Variants in ZFYVE1 observed in about 807,000 individuals in gnomAD.
ZFYVE1 encodes zinc finger FYVE domain-containing protein 1.
A neutral mutation model predicts 74.4 loss-of-function variants in ZFYVE1; 30 were observed. The ratio of observed to expected loss-of-function variants is 0.40; its 90% CI spans 0.30 to 0.55. The LOEUF (loss-of-function observed/expected upper bound fraction) is 0.55, where lower values mean the gene tolerates loss of function less well. Ranked by LOEUF, ZFYVE1 falls within the 20% of genes least tolerant of loss-of-function variation. ZFYVE1 has a pLI of 0.42. For synonymous variants in ZFYVE1, 335 were observed against 385.1 expected (o/e 0.87, Z 1.52); for missense variants, 703 against 1,011.6 (o/e 0.69, Z 4.14).
At chr14:73,014,097 C>T (rs1171944826) in intron 2 of ZFYVE1, among the ~76,000 whole-genome samples, 4 of 151,956 alleles carry the variant, frequency 2.6e-5, no homozygotes. Context: ...ATTGACAGGC[C>T]AGAAGAAAAA....
At chr14:73,015,664 G>GTT (rs1457439032) in intron 2 of ZFYVE1, among the ~76,000 whole-genome samples, 2 of 152,066 alleles carry the variant, frequency 1.3e-5, no homozygotes, top group Non-Finnish European at 2.9e-5. Context: ...GATTACAGGC[G>GTT]TGAGCCACCA....
chr14:72,986,561 T>C (rs1893486353), intron 4 of ZFYVE1, among the ~76,000 whole-genome samples: 2 of 149,548 alleles, frequency 1.3e-5, no homozygotes, highest in South Asian at 4.2e-4. Context: ...AATCAGCTTT[T>C]CCTTTTTTTT....
At chr14:72,982,570 A>G (rs1252880880) in intron 4 of ZFYVE1, among the ~76,000 whole-genome samples, 2 of 152,306 alleles carry the variant, frequency 1.3e-5, no homozygotes, top group Non-Finnish European at 2.9e-5. Flanking sequence ...TCCTAATCCT[A>G]TCTTCACTTA....
intron 1 of ZFYVE1, 74 bp downstream of exon 1, chr14:73,026,852 A>G (rs1234411056): frequency 1.1e-5 from 1 of 88,956 alleles, no homozygotes; most frequent in African/African-American, 4.4e-5. Context: ...CCTGAGCCCC[A>G]GGACGATCAC....
chr14:72,974,303 G>A (rs552219879), intron 10 of ZFYVE1, 110 bp from the exon 11 acceptor site: 16 of 1,004,152 alleles, frequency 1.6e-5, no homozygotes, highest in Middle Eastern at 2.1e-4. Flanking sequence ...ACACCACTGT[G>A]CTGTCCTGCA....
Position 72,993,369 on chromosome 14 carries a change from G to C in ZFYVE1, c.989-12C>G. On this transcript the variant is annotated splice_polypyrimidine_tract_variant and intron_variant, in intron 3 of 11. Transcript: ENST00000556143. The stretch of plus-strand genomic sequence containing the variant: ...CTCTGAGGGATGATCTATACAAGCA[G>C]AAACACAGGCACATGGGTAGTGAGT... 1 of 1,586,178 alleles carries C rather than the reference G, an allele frequency of 6.3e-7. No individual in the cohort carries two copies. Among genetic ancestry groups the C allele is most frequent in the South Asian group, 1.1e-5 (1 of 88,276 alleles).
At position 72,969,755 on chromosome 14, in the gene ZFYVE1, G is replaced by T. The variant is rs549852579; in HGVS notation, c.*1127C>A. 1 of 702,468 alleles carries T rather than the reference G, an allele frequency of 1.4e-6. No individual in the cohort carries two copies. Among genetic ancestry groups the T allele is most frequent in the African/African-American group, 1.7e-5 (1 of 57,304 alleles). 43.5% of individuals were successfully genotyped at this position (702,468 alleles called of 1,614,324 possible). A position where few individuals can be genotyped will look rare whatever the true frequency, so the allele number is the denominator to read the frequency against. On this transcript the variant is annotated 3_prime_UTR_variant, in exon 12 of 12. Transcript: ENST00000556143. Reference sequence around the variant, plus strand: ...CAGTCATGACAGACAGAGATGTCCAGGCTCTTGAGGAGAAACAAAAGTTCC... The same window carrying T: ...CAGTCATGACAGACAGAGATGTCCATGCTCTTGAGGAGAAACAAAAGTTCC...
Position 73,024,595 on chromosome 14 carries a change from T to C in ZFYVE1, c.-87A>G, listed in dbSNP as rs1259703764. The C allele has an allele frequency of 1.3e-6, 2 of 1,498,730 alleles. No individual in the cohort carries two copies. The highest frequency in any genetic ancestry group is 1.4e-5 in the African/African-American group (1 of 71,324). 92.8% of individuals were successfully genotyped at this position (1,498,730 alleles called of 1,614,324 possible). ...AAGACGAAGATTTGAGTCTGAAGAC[T>C]GCACGAAACTTCCACAGGGTTCTGA... On this transcript the variant is annotated 5_prime_UTR_variant, in exon 2 of 12. Coordinates refer to ENST00000556143, the MANE Select transcript of ZFYVE1 (RefSeq NM_021260.4).
chr14:73,011,477 A>AC (rs1894090578), intron 2 of ZFYVE1, among the ~76,000 whole-genome samples: 1 of 151,860 alleles, frequency 6.6e-6, no homozygotes, highest in African/African-American at 2.4e-5. Context: ...ACAGAGTGAG[A>AC]CCCCTTCTCA....
chr14:72,969,850 C>A lies in ZFYVE1; in HGVS notation c.*1032G>T. On this transcript the variant is annotated 3_prime_UTR_variant, in exon 12 of 12. Coordinates refer to ENST00000556143, the MANE Select transcript of ZFYVE1 (RefSeq NM_021260.4). ...CGATCTGTTGAAATATTTATATAGA[C>A]TTTTAAAAACAACTAACAGTTCATC... is the stretch of plus-strand genomic sequence containing the variant. The A allele has an allele frequency of 1.5e-6, 1 of 650,868 alleles. No homozygotes were observed. The highest frequency in any genetic ancestry group is 2.7e-6 in the Non-Finnish European group (1 of 364,404). 40.3% of individuals were successfully genotyped at this position (650,868 alleles called of 1,614,324 possible).
intron 2 of ZFYVE1, among the ~76,000 whole-genome samples, chr14:73,006,291 G>A (rs910766054): frequency 1.2e-4 from 18 of 151,822 alleles, no homozygotes; most frequent in African/African-American, 3.4e-4. Flanking sequence ...TAATCTTTAC[G>A]AGGCTGGGCG....
chr14:73,006,391 G>A (rs1222679831), intron 2 of ZFYVE1, among the ~76,000 whole-genome samples: 1 of 151,468 alleles, frequency 6.6e-6, no homozygotes, highest in Non-Finnish European at 1.5e-5. Context: ...CCTGGCCAAC[G>A]TGGTGAAACC....
intron 4 of ZFYVE1, among the ~76,000 whole-genome samples, chr14:72,987,520 A>ATGGTTT (rs2140357033): frequency 6.6e-6 from 1 of 152,302 alleles, no homozygotes; most frequent in Non-Finnish European, 1.5e-5. Context: ...ATGAGTCTAG[A>ATGGTTT]TGGTGCCTAG....
rs142358330 is a variant in ZFYVE1 at position 72,981,883 on chromosome 14, G to T, written c.1216C>A (p.Arg406Ser). ...IFKALKALSD[R>S]FSGEIPDDQM... ...TCATCGGGGATCTCACCGCTGAAGC[G>T]GTCACTTAGTGCCTGCCAAGGAGGG... Residue 406 changes from arginine (R) to serine (S), a missense_variant, in exon 5 of 12, where the codon CGC becomes AGC. By Grantham distance (110) the Arg-to-Ser change is moderately radical (BLOSUM62 -1). Around this residue, in one of 2 missense-constraint regions of ZFYVE1, gnomAD observed 492 missense variants for 790.0 expected, o/e 0.62. Transcript: ENST00000556143. 6.2e-7 allele frequency: 1 copy of T among 1,613,962 alleles called. No individual in the cohort carries two copies. The highest frequency in any genetic ancestry group is 8.5e-7 in the Non-Finnish European group (1 of 1,180,034).
chr14:72,983,108 G>T (rs1232869414), intron 4 of ZFYVE1, among the ~76,000 whole-genome samples: 2 of 152,082 alleles, frequency 1.3e-5, no homozygotes, highest in East Asian at 3.9e-4. Flanking sequence ...GCCTCACAAA[G>T]TGCTGGGATT....
At chr14:72,978,566 CAAAAAAAAAAAAAAAAAAA>C (rs58858186) in intron 6 of ZFYVE1, among the ~76,000 whole-genome samples, 1 of 50,952 alleles carries the variant, frequency 2.0e-5, no homozygotes, top group African/African-American at 9.5e-5. Context: ...GACTCTGTCT[CAAAAAAAAAAAAAAAAAAA>C]AAAAAAAAAA....
intron 6 of ZFYVE1, among the ~76,000 whole-genome samples, chr14:72,978,566 CAAAAAAAAAAAAAAAAA>C (rs58858186): frequency 2.1e-3 from 108 of 50,980 alleles, no homozygotes; most frequent in Non-Finnish European, 3.0e-3. Context: ...GACTCTGTCT[CAAAAAAAAAAAAAAAAA>C]AAAAAAAAAA....
intron 2 of ZFYVE1, among the ~76,000 whole-genome samples, chr14:73,009,279 C>A (rs1226780203): frequency 2.0e-5 from 3 of 152,222 alleles, no homozygotes; most frequent in Non-Finnish European, 2.9e-5. Flanking sequence ...GATAACAACA[C>A]AATCTACTTC....
chr14:72,973,615 C>T (rs951861260), intron 11 of ZFYVE1, among the ~76,000 whole-genome samples: 6 of 152,168 alleles, frequency 3.9e-5, no homozygotes, highest in Admixed American at 1.3e-4. Context: ...CTGAAGAGGC[C>T]TGGAGAATAC....
Sources: allele counts gnomAD v4.1 joint callset (sites outside exome capture counted in the v4.1 genomes callset), GRCh38; gene constraint gnomAD v4.1.1; regional missense constraint gnomAD v4.1.1; transcripts MANE v1.5; gene names NCBI Gene and HGNC (gene_info 2026-07-23, HGNC 2026-07-21).